The following DLGAP1 variants were observed in gnomAD, a reference collection of about 807,000 sequenced individuals.
DLGAP1 encodes the protein DLG associated protein 1.
Under a neutral mutation model 90.8 loss-of-function variants are expected in DLGAP1, and 11 were observed. The ratio of observed to expected loss-of-function variants is 0.12; its 90% CI spans 0.08 to 0.20. DLGAP1 has a LOEUF of 0.20. Ranked by LOEUF, DLGAP1 falls within the 10% of genes least tolerant of loss-of-function variation. The pLI, the probability that DLGAP1 is intolerant of heterozygous loss-of-function variation, is 1.00. For missense variants in DLGAP1, 1,050 were observed against 1,333.8 expected (o/e 0.79, Z 3.31); for synonymous variants, 558 against 540.7 (o/e 1.03, Z -0.44).
chr18:3,781,633 G>C (rs537227365), intron 5 of DLGAP1, among the ~76,000 whole-genome samples: 74 of 152,228 alleles, frequency 4.9e-4, no homozygotes, highest in Middle Eastern at 3.4e-3. Context: ...GATTATAGGC[G>C]TGAGCCAGCA....
intron 2 of DLGAP1, among the ~76,000 whole-genome samples, chr18:4,068,303 A>G (rs1184201079): frequency 5.3e-5 from 8 of 152,020 alleles, no homozygotes; most frequent in Non-Finnish European, 8.8e-5. Flanking sequence ...TGAATGAATG[A>G]ATAAATAATA....
At chr18:3,998,874 C>T (rs2074123199) in intron 3 of DLGAP1, among the ~76,000 whole-genome samples, 1 of 152,164 alleles carries the variant, frequency 6.6e-6, no homozygotes, top group African/African-American at 2.4e-5. Context: ...TCCGCTAAAA[C>T]AGGCAAATTA....
intron 2 of DLGAP1, among the ~76,000 whole-genome samples, chr18:4,034,329 A>C (rs2074853687): frequency 6.6e-6 from 1 of 152,160 alleles, no homozygotes; most frequent in Admixed American, 6.6e-5. Context: ...GACATAAGCC[A>C]CTGCGCCCGG....
At chr18:3,880,944 G>GAAAAA (rs1173817359) in intron 3 of DLGAP1, among the ~76,000 whole-genome samples, 153 of 38,298 alleles carry the variant, frequency 4.0e-3, no homozygotes, top group African/African-American at 7.2e-3. Flanking sequence ...CTCCATCTCA[G>GAAAAA]AAAAAAAAAA....
intron 7 of DLGAP1, among the ~76,000 whole-genome samples, chr18:3,627,478 C>T (rs1054298016): frequency 6.6e-6 from 1 of 152,294 alleles, no homozygotes; most frequent in Non-Finnish European, 1.5e-5. Flanking sequence ...TATCCCCCAT[C>T]TTTCCTGTCC....
At chr18:4,042,149 C>T (rs752385759) in intron 2 of DLGAP1, among the ~76,000 whole-genome samples, 1 of 152,122 alleles carries the variant, frequency 6.6e-6, no homozygotes, top group Admixed American at 6.5e-5. Context: ...TACCATTCTT[C>T]CCATAATACT....
chr18:4,091,042 T>C (rs905556376), intron 2 of DLGAP1, among the ~76,000 whole-genome samples: 2 of 152,012 alleles, frequency 1.3e-5, no homozygotes, highest in Admixed American at 6.6e-5. Context: ...AGCTGAACAA[T>C]GAGAACACAT....
At chr18:3,712,528 T>C (rs2061629160) in intron 7 of DLGAP1, among the ~76,000 whole-genome samples, 1 of 152,222 alleles carries the variant, frequency 6.6e-6, no homozygotes, top group Non-Finnish European at 1.5e-5. Context: ...ACCTCAGTTA[T>C]TAAGAGCTAA....
At chr18:4,157,444 A>C (rs1157715804) in intron 1 of DLGAP1, among the ~76,000 whole-genome samples, 1 of 152,182 alleles carries the variant, frequency 6.6e-6, no homozygotes, top group Non-Finnish European at 1.5e-5. Context: ...AAGAAGGAAG[A>C]CTAGTCAGTT....
intron 1 of DLGAP1, among the ~76,000 whole-genome samples, chr18:4,204,204 A>C (rs2077670416): frequency 6.6e-6 from 1 of 152,228 alleles, no homozygotes; most frequent in African/African-American, 2.4e-5. Flanking sequence ...AAGAGTTTGA[A>C]TAGGTACTAA....
chr18:3,818,724 T>C (rs532599942), intron 4 of DLGAP1, among the ~76,000 whole-genome samples: 1 of 151,798 alleles, frequency 6.6e-6, no homozygotes, highest in East Asian at 2.0e-4. Context: ...GCCTCCCTAG[T>C]AGATGGGACT....
intron 5 of DLGAP1, among the ~76,000 whole-genome samples, chr18:3,751,164 G>A (rs1250924577): frequency 6.6e-6 from 1 of 152,220 alleles, no homozygotes; most frequent in Non-Finnish European, 1.5e-5. Flanking sequence ...TAACACTTGA[G>A]TGCTTCCTTT....
At chr18:4,361,352 C>T (rs1406751911) in intron 1 of DLGAP1, among the ~76,000 whole-genome samples, 1 of 152,072 alleles carries the variant, frequency 6.6e-6, no homozygotes, top group Non-Finnish European at 1.5e-5. Context: ...TTCCTGATTT[C>T]AACACTGTAA....
chr18:3,859,084 T>C (rs897340823), intron 4 of DLGAP1, among the ~76,000 whole-genome samples: 2 of 152,224 alleles, frequency 1.3e-5, no homozygotes, highest in Non-Finnish European at 2.9e-5. Flanking sequence ...TGAATGACTG[T>C]ATACTGCAGA....
chr18:3,501,666 C>G (rs2049940750), intron 12 of DLGAP1, among the ~76,000 whole-genome samples: 1 of 152,104 alleles, frequency 6.6e-6, no homozygotes, highest in African/African-American at 2.4e-5. Context: ...ACCAGCATTT[C>G]AAGGGAACAG....
intron 2 of DLGAP1, among the ~76,000 whole-genome samples, chr18:4,126,319 A>G (rs2076232672): frequency 2.6e-5 from 4 of 152,232 alleles, no homozygotes; most frequent in Admixed American, 2.6e-4. Flanking sequence ...TCAGCAGTGC[A>G]CCAACTCATT....
rs149243977 is a variant in DLGAP1, at chr18:3,650,392, G to A, written c.1592-68144C>T. 4.7e-3 allele frequency among the ~76,000 whole-genome samples: 716 copies of A among 152,246 alleles called. 6 individuals are homozygous for A. Among genetic ancestry groups the A allele is most frequent in the African/African-American group, 0.015 (641 of 41,546 alleles). ...TATTTTGGCTGGATGCAGAGGCTAAGGCAGGAGGACAGCTTGAGGCCAGCA... is the reference window on the plus strand; with the variant it reads ...TATTTTGGCTGGATGCAGAGGCTAAAGCAGGAGGACAGCTTGAGGCCAGCA... On this transcript the variant is annotated intron_variant, in intron 7 of 12. Transcript: ENST00000315677.
At chr18:3,985,284 T>C (rs2073819478) in intron 3 of DLGAP1, among the ~76,000 whole-genome samples, 2 of 152,186 alleles carry the variant, frequency 1.3e-5, no homozygotes, top group South Asian at 4.1e-4. Context: ...AGTCTTTTTG[T>C]AAAACATACT....
At chr18:4,423,851 TAAAA>T (rs36053501) in intron 1 of DLGAP1, among the ~76,000 whole-genome samples, 1 of 120,630 alleles carries the variant, frequency 8.3e-6, no homozygotes. Context: ...CCCAGGAATT[TAAAA>T]AAAAAAAAAA....
Sources: gnomAD v4.1 joint callset for allele counts (sites outside exome capture counted in the v4.1 genomes callset) on GRCh38, gnomAD v4.1.1 for gene constraint, MANE v1.5 for transcripts, NCBI Gene and HGNC (gene_info 2026-07-23, HGNC 2026-07-21) for gene names.